The following RABGAP1 variants were observed in gnomAD, a reference collection of about 807,000 sequenced individuals.
RABGAP1 encodes the protein RAB GTPase activating protein 1.
Under a neutral mutation model 137.6 loss-of-function variants are expected in RABGAP1, and 23 were observed. The ratio of observed to expected loss-of-function variants is 0.17; its 90% confidence interval spans 0.12 to 0.24. The LOEUF is 0.24. RABGAP1 is among the 10% of genes least tolerant of loss of function. RABGAP1 has a pLI of 1.00. For missense variants in RABGAP1, 906 were observed against 1,275.8 expected, an observed-to-expected ratio of 0.71 and a Z score of 4.42; for synonymous variants, 451 against 450.7, an observed-to-expected ratio of 1.00 and a Z score of -0.01.
At chr9:123,067,285 C>G in intron 14 of RABGAP1, among the ~76,000 whole-genome samples, 1 of 152,208 alleles carries the variant, frequency 6.6e-6, no homozygotes, top group East Asian at 1.9e-4. Context: ...TAGCTTCATT[C>G]TCTCTCTTCA....
chr9:123,072,269 A>G (rs1181699857), intron 15 of RABGAP1, among the ~76,000 whole-genome samples: 1 of 152,214 alleles, frequency 6.6e-6, no homozygotes, highest in Non-Finnish European at 1.5e-5. Context: ...CAAGTAAAAC[A>G]AAAACCACTT....
rs562028379 is a variant in RABGAP1, at chr9:122,998,685, C to T, written c.1293C>T (p.Arg431=). ...GATTTCTCCTGGAGACAAAAGTCCG[C>T]GTTTGCTCACCTAATGAAAGATTAT... ...PVRFLLETKV[R]VCSPNERLFW... is the part of the protein sequence containing the mutation. The change falls in exon 10 of 26, where the codon CGC becomes CGT. Residue 431 remains arginine (R), a synonymous_variant. Coordinates refer to ENST00000373647, the MANE Select transcript of RABGAP1 (RefSeq NM_012197.4). 2.2e-5 allele frequency: 36 copies of T among 1,612,290 alleles called. No individual in the cohort carries two copies. Among genetic ancestry groups the T allele is most frequent in the Admixed American group, 3.3e-5 (2 of 59,992 alleles).
intron 13 of RABGAP1, among the ~76,000 whole-genome samples, chr9:123,059,031 T>G (rs2033861083): frequency 6.6e-6 from 1 of 152,168 alleles, no homozygotes; most frequent in Admixed American, 6.5e-5. Flanking sequence ...GAAATCAGAT[T>G]AGTGTTCAGT....
At chr9:123,077,142 A>C (rs1008172359) in intron 19 of RABGAP1, 1 of 148,874 alleles carries the variant, frequency 6.7e-6, no homozygotes, top group Non-Finnish European at 1.5e-5. Flanking sequence ...GATTTCTTCT[A>C]CTGTGCTGGT....
chr9:123,068,828 C>G (rs1486441137), intron 14 of RABGAP1, among the ~76,000 whole-genome samples: 6 of 152,194 alleles, frequency 3.9e-5, no homozygotes, highest in Admixed American at 3.9e-4. Context: ...TGCATATTAA[C>G]TTGACTAGCA....
chr9:123,057,552 G>T (rs946825904), intron 13 of RABGAP1, among the ~76,000 whole-genome samples: 2 of 149,758 alleles, frequency 1.3e-5, no homozygotes, highest in Non-Finnish European at 3.0e-5. Context: ...GGGCAGAGAC[G>T]CTCCTCACTT....
At chr9:123,064,723 T>C (rs182594837) in intron 13 of RABGAP1, among the ~76,000 whole-genome samples, 93 of 152,340 alleles carry the variant, frequency 6.1e-4, no homozygotes, top group East Asian at 2.9e-3. Context: ...ATTATTGACA[T>C]TTGTTCCGTT....
At chr9:123,019,549 A>C (rs1201162555) in intron 12 of RABGAP1, among the ~76,000 whole-genome samples, 1 of 152,172 alleles carries the variant, frequency 6.6e-6, no homozygotes. Flanking sequence ...TCCTGGGTTC[A>C]AGAAATCTTC....
chr9:123,031,935 T>C (rs961791584), intron 13 of RABGAP1, among the ~76,000 whole-genome samples: 1 of 152,224 alleles, frequency 6.6e-6, no homozygotes, highest in African/African-American at 2.4e-5. Context: ...GAGGGAATAA[T>C]TGACGCCATG....
At chr9:123,058,305 G>C (rs377269618) in intron 13 of RABGAP1, among the ~76,000 whole-genome samples, 18 of 151,426 alleles carry the variant, frequency 1.2e-4, no homozygotes, top group East Asian at 9.7e-4. Flanking sequence ...AATATGAAAA[G>C]ATACAATATT....
chr9:123,096,427 C>T (rs778535743), intron 21 of RABGAP1, among the ~76,000 whole-genome samples: 6 of 152,040 alleles, frequency 3.9e-5, no homozygotes, highest in African/African-American at 4.8e-5. Context: ...AGGGTATTAC[C>T]GAGGACAAAG....
rs774136181 is a variant in RABGAP1, at chr9:122,998,652, G to A, written c.1260G>A (p.Glu420=). 8 of 1,611,948 alleles carry A rather than the reference G, an allele frequency of 5.0e-6. No individual in the cohort carries two copies. In the African/African-American group the frequency reaches 9.3e-5, roughly 19 times the overall value. The change falls in exon 10 of 26, where the codon GAG becomes GAA. Residue 420 remains glutamate (E), a synonymous_variant. Transcript: ENST00000373647. ...ATTTGGTAATAACAGAAGTACAGGA[G>A]CCTGTTCGATTTCTCCTGGAGACAA... ...AVDLVITEVQ[E]PVRFLLETKV... is the part of the protein sequence containing the mutation.
intron 10 of RABGAP1, among the ~76,000 whole-genome samples, chr9:123,004,721 A>C (rs983387529): frequency 6.6e-6 from 1 of 152,176 alleles, no homozygotes; most frequent in African/African-American, 2.4e-5. Context: ...TATTTTATTT[A>C]CAGTAACAGT....
rs1385752805 is a variant in RABGAP1 at position 122,994,283 on chromosome 9, A to G, written c.924-1758A>G. Among the ~76,000 whole-genome samples the G allele has an allele frequency of 3.3e-5, 5 of 152,320 alleles. No homozygotes were observed. The East Asian group carries it at 7.7e-4, about 23-fold the overall frequency. On this transcript the variant is annotated intron_variant, in intron 6 of 25. Transcript: ENST00000373647. ...TGTTACTGCATCCCTGTAGATTCAGAACACCAGAGACAACTTTCTGTCTAT... is the reference window on the plus strand; with the variant it reads ...TGTTACTGCATCCCTGTAGATTCAGGACACCAGAGACAACTTTCTGTCTAT...
intron 13 of RABGAP1, among the ~76,000 whole-genome samples, chr9:123,021,759 A>G (rs2031653699): frequency 6.6e-6 from 1 of 152,238 alleles, no homozygotes. Flanking sequence ...GATTCCTTCC[A>G]TTAAGTTGAT....
intron 4 of RABGAP1, among the ~76,000 whole-genome samples, chr9:122,988,623 A>G (rs1200004105): frequency 6.6e-6 from 1 of 151,764 alleles, no homozygotes; most frequent in Non-Finnish European, 1.5e-5. Context: ...TTTTCATAAC[A>G]GATTAGGTCA....
intron 10 of RABGAP1, among the ~76,000 whole-genome samples, chr9:123,002,605 T>C (rs1432560211): frequency 6.6e-6 from 1 of 151,692 alleles, no homozygotes; most frequent in Non-Finnish European, 1.5e-5. Context: ...TATATCTTTC[T>C]ATGGAAACAA....
At chr9:122,999,717 T>G (rs1837225412) in intron 10 of RABGAP1, among the ~76,000 whole-genome samples, 1 of 151,810 alleles carries the variant, frequency 6.6e-6, no homozygotes, top group African/African-American at 2.4e-5. Flanking sequence ...TTTTTAAATT[T>G]TTTTTTTTTT....
intron 10 of RABGAP1, among the ~76,000 whole-genome samples, chr9:123,009,687 T>C (rs1421177703): frequency 6.6e-6 from 1 of 152,194 alleles, no homozygotes; most frequent in Non-Finnish European, 1.5e-5. Flanking sequence ...TTAGGTCAGT[T>C]TAAATTATAT....
Sources: allele counts gnomAD v4.1 joint callset (sites outside exome capture counted in the v4.1 genomes callset), GRCh38; gene constraint gnomAD v4.1.1; transcripts MANE v1.5; gene names NCBI Gene and HGNC (gene_info 2026-07-23, HGNC 2026-07-21).